The following SH3RF3 variants were observed in gnomAD, a reference collection of about 807,000 sequenced individuals.
SH3RF3 encodes the protein SH3 domain containing ring finger 3, also known as E3 ubiquitin-protein ligase SH3RF3.
In SH3RF3, 29 loss-of-function variants were observed where a neutral mutation model predicts 66.3. The ratio of observed to expected loss-of-function variants is 0.44; its 90% CI spans 0.33 to 0.60. The LOEUF (loss-of-function observed/expected upper bound fraction) is 0.60. Ranked by LOEUF, SH3RF3 falls within the 20% of genes least tolerant of loss-of-function variation. The pLI is 0.04. For synonymous variants in SH3RF3, 583 were observed against 532.0 expected (o/e 1.10, Z -1.32); for missense variants, 1,194 against 1,190.9 (o/e 1.00, Z -0.04).
chr2:109,391,108 G>A (rs1196166887), intron 3 of SH3RF3, among the ~76,000 whole-genome samples: 1 of 152,168 alleles, frequency 6.6e-6, no homozygotes, highest in Non-Finnish European at 1.5e-5. Flanking sequence ...AAAACCATTC[G>A]CTCCGACTCC....
intron 5 of SH3RF3, among the ~76,000 whole-genome samples, chr2:109,428,265 G>T (rs1215168606): frequency 3.9e-5 from 6 of 152,268 alleles, no homozygotes; most frequent in Non-Finnish European, 5.9e-5. Flanking sequence ...GAAAGGGGAT[G>T]AAATTAGCGA....
chr2:109,402,460 A>G (rs1258930197), intron 4 of SH3RF3, among the ~76,000 whole-genome samples: 1 of 152,212 alleles, frequency 6.6e-6, no homozygotes, highest in African/African-American at 2.4e-5. Flanking sequence ...CCACAAACAG[A>G]GGCCCCTCAC....
intron 6 of SH3RF3, 145 bp from the exon 7 acceptor site, chr2:109,436,748 G>A (rs554807387): frequency 1.5e-5 from 19 of 1,283,656 alleles, no homozygotes; most frequent in South Asian, 3.1e-5. Flanking sequence ...GCCCAGTGAC[G>A]GGCATTGTTT....
chr2:109,290,694 A>G (rs1681145898), intron 1 of SH3RF3, among the ~76,000 whole-genome samples: 1 of 152,132 alleles, frequency 6.6e-6, no homozygotes, highest in African/African-American at 2.4e-5. Context: ...GCAGACCCAG[A>G]CCTGACTGCT....
chr2:109,334,597 G>A (rs1281863924), intron 1 of SH3RF3, among the ~76,000 whole-genome samples: 4 of 152,312 alleles, frequency 2.6e-5, no homozygotes, highest in Non-Finnish European at 5.9e-5. Context: ...GGCAGCCACA[G>A]TGTCCACTGC....
intron 1 of SH3RF3, among the ~76,000 whole-genome samples, chr2:109,189,403 C>A (rs1177114636): frequency 6.7e-6 from 1 of 148,778 alleles, no homozygotes; most frequent in Non-Finnish European, 1.5e-5. Context: ...GACGGAGTCT[C>A]TGTCGCCCAG....
intron 1 of SH3RF3, among the ~76,000 whole-genome samples, chr2:109,228,759 T>A (rs1226442537): frequency 1.3e-5 from 2 of 152,146 alleles, no homozygotes; most frequent in African/African-American, 4.8e-5. Flanking sequence ...GCACAGGGGC[T>A]TCCGTCTCTG....
intron 1 of SH3RF3, among the ~76,000 whole-genome samples, chr2:109,188,490 C>T (rs1217774719): frequency 6.6e-6 from 1 of 152,208 alleles, no homozygotes; most frequent in African/African-American, 2.4e-5. Flanking sequence ...TGTGTTGTCC[C>T]TGGGTTTGGC....
chr2:109,294,550 G>A (rs1681261300), intron 1 of SH3RF3, among the ~76,000 whole-genome samples: 1 of 140,608 alleles, frequency 7.1e-6, no homozygotes, highest in African/African-American at 2.7e-5. Flanking sequence ...GATAGAGGGA[G>A]ACTCAGTCTC....
intron 1 of SH3RF3, among the ~76,000 whole-genome samples, chr2:109,238,488 TGTGTGTGTGTGAGA>T (rs1278218936): frequency 2.9e-5 from 4 of 137,898 alleles, no homozygotes; most frequent in African/African-American, 1.2e-4. Flanking sequence ...TGTGTGTGTG[TGTGTGTGTGTGAGA>T]GTGAGACAGA....
At chr2:109,496,616 A>G (rs36174542) in intron 9 of SH3RF3, among the ~76,000 whole-genome samples, 38,798 of 152,078 alleles carry the variant, frequency 0.26, 5,310 homozygotes, top group East Asian at 0.5. Context: ...ACATCGGATC[A>G]GCTCATCCTC....
chr2:109,451,407 G>C (rs181194036), intron 8 of SH3RF3, among the ~76,000 whole-genome samples: 98 of 152,294 alleles, frequency 6.4e-4, no homozygotes, highest in African/African-American at 2.3e-3. Flanking sequence ...GGGCAGACTT[G>C]GAAAGTGGGG....
At chr2:109,251,286 C>T (rs1437018769) in intron 1 of SH3RF3, 30 of 376,672 alleles carry the variant, frequency 8.0e-5, no homozygotes, top group African/African-American at 2.7e-4. Flanking sequence ...TAATTACAGG[C>T]GTGAGCCACC....
intron 4 of SH3RF3, among the ~76,000 whole-genome samples, chr2:109,410,967 G>A (rs1676572909): frequency 6.6e-6 from 1 of 152,182 alleles, no homozygotes; most frequent in Non-Finnish European, 1.5e-5. Context: ...ATCACTGGCT[G>A]ACTCCCTCAC....
At chr2:109,358,764 C>T (rs1208258836) in intron 2 of SH3RF3, among the ~76,000 whole-genome samples, 1 of 152,178 alleles carries the variant, frequency 6.6e-6, no homozygotes, top group Non-Finnish European at 1.5e-5. Context: ...GTATCTTTTG[C>T]AGAGTACAAA....
At position 109,378,521 on chromosome 2, in the gene SH3RF3, C is replaced by T. The variant is rs539134612; in HGVS notation, c.945+6840C>T. 7.2e-5 allele frequency among the ~76,000 whole-genome samples: 11 copies of T among 152,234 alleles called. No individual in the cohort carries two copies. The South Asian group carries it at 2.3e-3, about 32-fold the overall frequency. ...AGGCACCCTCCTTTTTCTTTGCATG[C>T]CTGGTAATTTTCAGCTGGTTACTGA... On this transcript the variant is annotated intron_variant, in intron 3 of 9. Coordinates refer to ENST00000309415, the MANE Select transcript of SH3RF3 (RefSeq NM_001099289.3).
intron 1 of SH3RF3, among the ~76,000 whole-genome samples, chr2:109,248,852 T>G (rs1200059933): frequency 7.7e-6 from 1 of 129,292 alleles, no homozygotes; most frequent in African/African-American, 3.9e-5. Context: ...TTCGTTTTCC[T>G]TTTTCCTTTC....
chr2:109,486,261 C>G (rs769666194), intron 8 of SH3RF3, among the ~76,000 whole-genome samples: 1 of 152,204 alleles, frequency 6.6e-6, no homozygotes, highest in Non-Finnish European at 1.5e-5. Context: ...GTCCTCATTT[C>G]AGACCCACAG....
Position 109,457,377 on chromosome 2 carries a change from G to A in SH3RF3, c.2148+7888G>A, listed in dbSNP as rs542384336. ...AAGTAAACTATTATTCAGAAGTAGGGTTTCAACTGCAAAGCATTAAACCAA... is the reference window on the plus strand; with the variant it reads ...AAGTAAACTATTATTCAGAAGTAGGATTTCAACTGCAAAGCATTAAACCAA... On this transcript the variant is annotated intron_variant, in intron 8 of 9. Transcript: ENST00000309415. Among the ~76,000 whole-genome samples the A allele has an allele frequency of 1.1e-3, 173 of 152,288 alleles. 1 individual carries two copies. Among genetic ancestry groups the A allele is most frequent in the African/African-American group, 4.1e-3 (172 of 41,562 alleles).
Sources: allele counts gnomAD v4.1 joint callset (sites outside exome capture counted in the v4.1 genomes callset), GRCh38; gene constraint gnomAD v4.1.1; transcripts MANE v1.5; gene names NCBI Gene and HGNC (gene_info 2026-07-23, HGNC 2026-07-21).